Variants in SGSM3 observed in about 807,000 individuals in gnomAD.
SGSM3 encodes the protein RUN and SH3 containing 3.
A neutral mutation model predicts 100.5 loss-of-function variants in SGSM3; 96 were observed. The observed-to-expected ratio is 0.96, with a 90% CI of 0.81 to 1.13. The LOEUF is 1.13. Among genes scored for constraint, SGSM3 ranks in the 50% most tolerant of loss-of-function variants. The pLI is 0.00. For missense variants in SGSM3, 1,001 were observed against 1,015.8 expected (o/e 0.99, Z 0.20); for synonymous variants, 483 against 422.8 (o/e 1.14, Z -1.75).
At chr22:40,380,194 T>C (rs1170913521) in intron 1 of SGSM3, among the ~76,000 whole-genome samples, 1 of 152,178 alleles carries the variant, frequency 6.6e-6, no homozygotes, top group Non-Finnish European at 1.5e-5. Context: ...TGTTCTTGTA[T>C]GACTATTAAC....
At chr22:40,387,177 G>A (rs2048607736) in intron 1 of SGSM3, 2 of 398,412 alleles carry the variant, frequency 5.0e-6, no homozygotes, top group African/African-American at 4.1e-5. Flanking sequence ...GCTTAGCAGT[G>A]TGATGAATGC....
Position 40,407,170 on chromosome 22 carries a change from T to C in SGSM3, c.1241-31T>C. The C allele has an allele frequency of 6.2e-7, 1 of 1,613,116 alleles. No individual in the cohort carries two copies. The highest frequency in any genetic ancestry group is 1.1e-5 in the South Asian group (1 of 91,070). ...TCCTCCTCGGGGGCCTGGAGTGGGC[T>C]GTGGTCACCATGGTTCTCTGGGCCT... On this transcript the variant is annotated intron_variant, in intron 11 of 21. Coordinates refer to ENST00000248929, the MANE Select transcript of SGSM3 (RefSeq NM_015705.6). This position sits in a 1 kb window ranked among gnomAD's most constrained non-coding sequence, Gnocchi z 4.7.
intron 6 of SGSM3, 156 bp from the exon 7 acceptor site, chr22:40,404,985 C>T: frequency 1.7e-6 from 1 of 574,178 alleles, no homozygotes; most frequent in South Asian, 7.6e-5. Context: ...GTCCCGGCTC[C>T]ACACTGGCTG....
rs10616868 is a variant in SGSM3 at position 40,376,178 on chromosome 22, C to CTTTTTTT, written c.-112+5516_-112+5522dup. On this transcript the variant is annotated intron_variant, in intron 1 of 21. Coordinates refer to ENST00000248929, the MANE Select transcript of SGSM3 (RefSeq NM_015705.6). ...GGATAGGGTTAAAGTCAAATTACCA[C>CTTTTTTT]TTTTTTTTTTTTTTTTTTTTTTTTT... 79 of 86,878 alleles carry CTTTTTTT rather than the reference C, an allele frequency of 9.1e-4. 1 individual carries two copies. The highest frequency in any genetic ancestry group is 2.4e-3 in the East Asian group (6 of 2,480). 5.4% of individuals were successfully genotyped at this position (86,878 alleles called of 1,614,324 possible). A position where few individuals can be genotyped will look rare whatever the true frequency, so the allele number is the denominator to read the frequency against.
At chr22:40,374,017 C>T (rs1043966037) in intron 1 of SGSM3, among the ~76,000 whole-genome samples, 1 of 151,988 alleles carries the variant, frequency 6.6e-6, no homozygotes, top group Non-Finnish European at 1.5e-5. Flanking sequence ...GGCGTGATCT[C>T]GGCTCACTGC....
At position 40,408,271 on chromosome 22, in the gene SGSM3, C is replaced by T; in HGVS notation, c.1630-6C>T. ...AGGGCTTTCTCAGACCCATCCCTCC[C>T]ATCAGTACTCCATCGCGGGGGATGA... On this transcript the variant is annotated splice_region_variant and splice_polypyrimidine_tract_variant and intron_variant, in intron 15 of 21. Coordinates refer to ENST00000248929, the MANE Select transcript of SGSM3 (RefSeq NM_015705.6). 1.9e-6 allele frequency: 3 copies of T among 1,613,366 alleles called. No individual in the cohort carries two copies. Among genetic ancestry groups the T allele is most frequent in the South Asian group, 2.2e-5 (2 of 91,034 alleles).
intron 4 of SGSM3, among the ~76,000 whole-genome samples, chr22:40,402,708 C>T (rs777120299): frequency 3.3e-5 from 5 of 152,166 alleles, no homozygotes; most frequent in Non-Finnish European, 5.9e-5. Flanking sequence ...CACTGCACTC[C>T]AGCCTAGGCA....
intron 1 of SGSM3, among the ~76,000 whole-genome samples, chr22:40,385,385 A>G (rs2048252028): frequency 6.6e-6 from 1 of 152,204 alleles, no homozygotes; most frequent in Non-Finnish European, 1.5e-5. Flanking sequence ...TTCAGGGTTC[A>G]GGAGATCTAA....
intron 1 of SGSM3, among the ~76,000 whole-genome samples, chr22:40,393,602 T>C (rs9611327): frequency 0.034 from 5,131 of 152,338 alleles, 134 homozygotes; most frequent in Non-Finnish European, 0.055. Context: ...TGTCCTCACA[T>C]TGAGTGACAC....
At chr22:40,381,821 A>G (rs2047625696) in intron 1 of SGSM3, among the ~76,000 whole-genome samples, 1 of 152,238 alleles carries the variant, frequency 6.6e-6, no homozygotes, top group Non-Finnish European at 1.5e-5. Flanking sequence ...CTAGCCAGGC[A>G]TGGTGGTATA....
At chr22:40,390,808 G>A (rs1307262067) in intron 1 of SGSM3, among the ~76,000 whole-genome samples, 1 of 152,160 alleles carries the variant, frequency 6.6e-6, no homozygotes, top group Non-Finnish European at 1.5e-5. Flanking sequence ...GAATAAGTCA[G>A]GTAAAGAGGA....
intron 1 of SGSM3, among the ~76,000 whole-genome samples, chr22:40,392,061 G>A (rs1219404782): frequency 6.6e-6 from 1 of 152,160 alleles, no homozygotes; most frequent in Non-Finnish European, 1.5e-5. Context: ...GCTTTTAGTG[G>A]CTTTTGCTTT....
At chr22:40,402,314 G>C in intron 4 of SGSM3, 109 bp downstream of exon 4, 1 of 842,040 alleles carries the variant, frequency 1.2e-6, no homozygotes, top group Non-Finnish European at 2.1e-6. Flanking sequence ...GATGCGTCAG[G>C]GTTCCAGATT....
chr22:40,401,225 G>A (rs963604495), intron 2 of SGSM3, among the ~76,000 whole-genome samples: 2 of 151,960 alleles, frequency 1.3e-5, no homozygotes, highest in African/African-American at 4.8e-5. Context: ...GGTATTTCCT[G>A]ATTTGAATTT....
chr22:40,388,409 G>A (rs117685689), intron 1 of SGSM3: 1 of 152,438 alleles, frequency 6.6e-6, no homozygotes, highest in East Asian at 1.9e-4. Flanking sequence ...AGAGAACACA[G>A]GTGGGTTCCA....
intron 1 of SGSM3, among the ~76,000 whole-genome samples, chr22:40,386,015 C>A (rs541963982): frequency 6.7e-6 from 1 of 148,172 alleles, no homozygotes; most frequent in African/African-American, 2.5e-5. Context: ...CCATGCCCGG[C>A]TAATTTTTTG....
At chr22:40,381,904 A>G (rs1176456731) in intron 1 of SGSM3, among the ~76,000 whole-genome samples, 1 of 152,236 alleles carries the variant, frequency 6.6e-6, no homozygotes, top group Non-Finnish European at 1.5e-5. Context: ...AGTTGCAGTG[A>G]GCCAAGATTC....
At chr22:40,376,442 C>T (rs1467414047) in intron 1 of SGSM3, 2 of 152,092 alleles carry the variant, frequency 1.3e-5, no homozygotes, top group African/African-American at 4.8e-5. Context: ...GTGCATGCCA[C>T]TGCACCCGGC....
At chr22:40,409,096 G>A (rs960856634) in intron 19 of SGSM3, 78 bp downstream of exon 19, 2 of 1,552,348 alleles carry the variant, frequency 1.3e-6, no homozygotes, top group Non-Finnish European at 1.7e-6. Context: ...TCCTTACAGG[G>A]AACCCTAAAG....
Sources: allele counts gnomAD v4.1 joint callset (sites outside exome capture counted in the v4.1 genomes callset), GRCh38; gene constraint gnomAD v4.1.1; non-coding constraint Gnocchi (gnomAD v3.1); transcripts MANE v1.5; gene names NCBI Gene and HGNC (gene_info 2026-07-23, HGNC 2026-07-21).